ASH1L: variants seen among roughly 807,000 people sequenced by gnomAD.
ASH1L encodes the protein histone-lysine N-methyltransferase ASH1L.
Under a neutral mutation model 269.0 loss-of-function variants are expected in ASH1L, and 23 were observed. The ratio of observed to expected loss-of-function variants is 0.09; its 90% CI spans 0.06 to 0.12. The LOEUF (loss-of-function observed/expected upper bound fraction) is 0.12. Among genes scored for constraint, ASH1L ranks in the 10% least tolerant of loss-of-function variants. The probability of loss-of-function intolerance (pLI) is 1.00; values close to 1 mark genes in which losing one functional copy is unlikely to be tolerated. For synonymous variants in ASH1L, 1,187 were observed against 1,253.5 expected, an observed-to-expected ratio of 0.95 and a Z score of 1.12; for missense variants, 2,912 against 3,567.8, an observed-to-expected ratio of 0.82 and a Z score of 4.68.
chr1:155,469,323 T>C (rs1182409438), intron 3 of ASH1L, among the ~76,000 whole-genome samples: 7 of 152,042 alleles, frequency 4.6e-5, no homozygotes, highest in Admixed American at 3.9e-4. Context: ...GCTGGGATTA[T>C]AGGCATGTGC....
chr1:155,531,520 A>G (rs888687783), intron 1 of ASH1L, among the ~76,000 whole-genome samples: 2 of 152,178 alleles, frequency 1.3e-5, no homozygotes, highest in Non-Finnish European at 2.9e-5. Context: ...GAAAGGTCTG[A>G]CAGAAACATG....
At chr1:155,356,172 G>A (rs1315647052) in intron 15 of ASH1L, among the ~76,000 whole-genome samples, 1 of 151,890 alleles carries the variant, frequency 6.6e-6, no homozygotes. Context: ...CCCGACCTCA[G>A]GTGATCCGCC....
chr1:155,411,162 G>C (rs1183982446), intron 6 of ASH1L, among the ~76,000 whole-genome samples: 1 of 152,094 alleles, frequency 6.6e-6, no homozygotes, highest in African/African-American at 2.4e-5. Flanking sequence ...ATTTTGCTGT[G>C]AAACTGAAAC....
At chr1:155,422,408 C>A (rs1483113332) in intron 5 of ASH1L, among the ~76,000 whole-genome samples, 1 of 148,880 alleles carries the variant, frequency 6.7e-6, no homozygotes, top group Non-Finnish European at 1.5e-5. Context: ...CCACCAGGGT[C>A]TGCTAATTTT....
At chr1:155,370,475 C>T in intron 12 of ASH1L, 29 bp downstream of exon 12, 1 of 1,612,242 alleles carries the variant, frequency 6.2e-7, no homozygotes, top group Middle Eastern at 2.0e-4. Context: ...CTGCTGGATT[C>T]TTGTCTTCAC....
At position 155,370,078 on chromosome 1, in the gene ASH1L, T is replaced by A. The variant is rs1655802895; in HGVS notation, c.6686+426A>T. 1.1e-5 allele frequency: 2 copies of A among 179,604 alleles called. 1 individual carries two copies. Among genetic ancestry groups the A allele is most frequent in the South Asian group, 2.4e-4 (2 of 8,252 alleles). The allele number at this position is 179,604 out of a possible 1,614,324, so 11.1% of individuals were successfully genotyped here. On this transcript the variant is annotated intron_variant, in intron 12 of 27. Coordinates refer to ENST00000392403, the MANE Select transcript of ASH1L (RefSeq NM_018489.3). ...CAACACACCCGGCCTATTATCATTA[T>A]TTTTTGTTTTTGATTTTTTCTTGCT...
chr1:155,427,760 G>A (rs927881167), intron 5 of ASH1L, among the ~76,000 whole-genome samples: 6 of 152,090 alleles, frequency 3.9e-5, no homozygotes. Flanking sequence ...TTGGATGTGC[G>A]CCCTGCCCAC....
chr1:155,370,490 T>G lies in ASH1L; in HGVS notation c.6686+14A>C, dbSNP rs1655849581. 1.2e-6 allele frequency: 2 copies of G among 1,613,236 alleles called. No homozygotes were observed. The highest frequency in any genetic ancestry group is 1.7e-6 in the Non-Finnish European group (2 of 1,180,006). ...CTGCTGGATTCTTGTCTTCACCTTC[T>G]TTTGCTTCCTTACCATTTCTGCATT... On this transcript the variant is annotated intron_variant, in intron 12 of 27. Coordinates refer to ENST00000392403, the MANE Select transcript of ASH1L (RefSeq NM_018489.3).
Position 155,477,930 on chromosome 1 carries a change from T to C in ASH1L, c.4940A>G (p.Lys1647Arg), listed in dbSNP as rs758729368. 9.9e-6 allele frequency: 16 copies of C among 1,613,842 alleles called. No homozygotes were observed. Among genetic ancestry groups the C allele is most frequent in the East Asian group, 2.2e-5 (1 of 44,904 alleles). Residue 1647 changes from lysine to arginine, a missense_variant, in exon 3 of 28, where the codon AAG becomes AGG. Physicochemically the swap from Lys to Arg is conservative, Grantham distance 26. Transcript: ENST00000392403. ...CCTTTCGTTAGAAGGCAGTGACTCC[T>C]TTCTGTGAAGCCGATTTAGTGAAGT... ...QDTSLNRLHRKESLPSNERAV... is the reference protein window; with the variant it reads ...QDTSLNRLHRRESLPSNERAV...
At position 155,481,291 on chromosome 1, in the gene ASH1L, A is replaced by C; in HGVS notation, c.1579T>G (p.Cys527Gly). The change falls in exon 3 of 28, where the codon TGC (cysteine) becomes GGC (glycine). Residue 527 changes from cysteine to glycine, a missense_variant. Cys to Gly is a radical substitution (Grantham distance 159). Around this residue, in one of 13 missense-constraint regions of ASH1L, gnomAD observed 715 missense variants for 721.0 expected, o/e 0.99. Transcript: ENST00000392403. ...CCCATTTTAAAGTCCGGAGAAGTGC[A>C]ATATACAGGAGGCTGCTTTTCATGC... ...SKHEKQPPVYCTSPDFKMGGA... is the reference protein window; with the variant it reads ...SKHEKQPPVYGTSPDFKMGGA... 6.2e-7 allele frequency: 1 copy of C among 1,614,164 alleles called. No individual in the cohort carries two copies. Among genetic ancestry groups the C allele is most frequent in the Non-Finnish European group, 8.5e-7 (1 of 1,180,000 alleles).
chr1:155,458,092 C>A (rs1245750873), intron 4 of ASH1L, among the ~76,000 whole-genome samples: 1 of 152,134 alleles, frequency 6.6e-6, no homozygotes. Flanking sequence ...TTACCCTGGT[C>A]TAGGTAAACA....
chr1:155,511,974 C>T (rs1305839850), intron 2 of ASH1L, among the ~76,000 whole-genome samples: 3 of 151,846 alleles, frequency 2.0e-5, no homozygotes. Flanking sequence ...CCACGCCCGG[C>T]TAATTTTTTG....
At chr1:155,530,185 C>G (rs1387099191) in intron 1 of ASH1L, among the ~76,000 whole-genome samples, 1 of 152,078 alleles carries the variant, frequency 6.6e-6, no homozygotes, top group East Asian at 1.9e-4. Context: ...TATCCCCCCA[C>G]CACCCTCTAC....
chr1:155,343,343 C>T lies in ASH1L; in HGVS notation c.8264G>A (p.Cys2755Tyr). The change falls in exon 24 of 28, where the codon TGT becomes TAT. Residue 2755 changes from cysteine to tyrosine, a missense_variant. Transcript: ENST00000392403. This position sits in a 1 kb window ranked among gnomAD's most constrained non-coding sequence, Gnocchi z 6.1. The stretch of plus-strand genomic sequence containing the variant: ...ACAATACGTATAAAGGTCCAACACA[C>T]AGCAGGTCCCCACTACAGCCTCCAA... The part of the protein sequence containing the change: ...IPLEAVVGTC[C>Y]VLDLYTYCKG... The T allele has an allele frequency of 6.2e-7, 1 of 1,614,064 alleles. No individual in the cohort carries two copies. The highest frequency in any genetic ancestry group is 1.7e-5 in the Admixed American group (1 of 60,012).
Position 155,562,152 on chromosome 1 carries a change from C to A in ASH1L, c.-100+1G>T, listed in dbSNP as rs1672026696. ...ATGCCGGCCCAAATCGTTCTACTCA[C>A]CGTGTCGGAGGCCGAGGCCGAGGCC... On this transcript the variant is annotated splice_donor_variant, in intron 1 of 27. Coordinates refer to ENST00000392403, the MANE Select transcript of ASH1L (RefSeq NM_018489.3). LOFTEE classifies it low-confidence loss of function (5UTR_SPLICE). 1 of 1,558,850 alleles carries A rather than the reference C, an allele frequency of 6.4e-7. No individual in the cohort carries two copies. Among genetic ancestry groups the A allele is most frequent in the Non-Finnish European group, 8.8e-7 (1 of 1,137,224 alleles).
chr1:155,436,787 G>T (rs575529031), intron 5 of ASH1L, among the ~76,000 whole-genome samples: 1 of 152,030 alleles, frequency 6.6e-6, no homozygotes, highest in Admixed American at 6.6e-5. Flanking sequence ...GAGCCACCAC[G>T]CCTGGCCAAG....
chr1:155,397,132 GAA>G (rs1286164962), intron 6 of ASH1L, among the ~76,000 whole-genome samples: 6 of 74,318 alleles, frequency 8.1e-5, no homozygotes, highest in Admixed American at 4.6e-4. Flanking sequence ...GTCAAAAAAA[GAA>G]AAAAAAAAAA....
chr1:155,380,661 G>A (rs1354933716), intron 7 of ASH1L, among the ~76,000 whole-genome samples: 1 of 150,530 alleles, frequency 6.6e-6, no homozygotes, highest in Admixed American at 6.6e-5. Context: ...ATGAGGTTTC[G>A]CTCTTGCTGC....
chr1:155,453,792 G>A (rs964345490), intron 4 of ASH1L, among the ~76,000 whole-genome samples: 4 of 149,916 alleles, frequency 2.7e-5, no homozygotes, highest in Non-Finnish European at 4.4e-5. Flanking sequence ...GAGGGAGACT[G>A]CGTGTCAAAA....
Sources: allele counts gnomAD v4.1 joint callset (sites outside exome capture counted in the v4.1 genomes callset), GRCh38; gene constraint gnomAD v4.1.1; regional missense constraint gnomAD v4.1.1; non-coding constraint Gnocchi (gnomAD v3.1); transcripts MANE v1.5; gene names NCBI Gene and HGNC (gene_info 2026-07-23, HGNC 2026-07-21).